The following RARB variants were observed in gnomAD, a reference collection of about 807,000 sequenced individuals.
RARB encodes the protein retinoic acid receptor beta, also known as HBV-activated protein.
RARB carries 17 observed loss-of-function variants against 51.9 expected under a neutral mutation model. The observed-to-expected ratio is 0.33, with a 90% confidence interval of 0.22 to 0.49. The LOEUF is 0.49. Ranked by LOEUF, RARB falls within the 20% of genes least tolerant of loss-of-function variation. The pLI is 0.99. For synonymous variants in RARB, 215 were observed against 195.4 expected (o/e 1.10, Z -0.84); for missense variants, 369 against 550.8 (o/e 0.67, Z 3.30).
chr3:24,993,907 TA>T (rs1451130617), intron 2 of RARB, among the ~76,000 whole-genome samples: 1 of 152,140 alleles, frequency 6.6e-6, no homozygotes, highest in African/African-American at 2.4e-5. Flanking sequence ...ATTAACCTGT[TA>T]TTGGACACTA....
At chr3:25,195,734 G>A (rs1701216917) in intron 5 of RARB, among the ~76,000 whole-genome samples, 1 of 151,960 alleles carries the variant, frequency 6.6e-6, no homozygotes, top group African/African-American at 2.4e-5. Flanking sequence ...AATGAAAAGG[G>A]AAGTTAAGTC....
intron 5 of RARB, among the ~76,000 whole-genome samples, chr3:25,297,944 T>G (rs1703955722): frequency 6.6e-6 from 1 of 152,154 alleles, no homozygotes; most frequent in Non-Finnish European, 1.5e-5. Flanking sequence ...TGTATACATA[T>G]GAGAAACATT....
intron 2 of RARB, among the ~76,000 whole-genome samples, chr3:25,474,823 A>G (rs898629666): frequency 6.6e-6 from 1 of 152,162 alleles, no homozygotes; most frequent in African/African-American, 2.4e-5. Flanking sequence ...TTGCTCTTAA[A>G]TTATCATTTT....
chr3:25,013,339 G>C (rs1332136317), intron 2 of RARB, among the ~76,000 whole-genome samples: 1 of 152,050 alleles, frequency 6.6e-6, no homozygotes, highest in African/African-American at 2.4e-5. Flanking sequence ...AGATGCATTT[G>C]GCCCTATATT....
At chr3:25,373,794 T>C (rs1706376146) in intron 5 of RARB, among the ~76,000 whole-genome samples, 1 of 152,164 alleles carries the variant, frequency 6.6e-6, no homozygotes, top group Non-Finnish European at 1.5e-5. Flanking sequence ...TACCCATCAG[T>C]GACTTGAACT....
chr3:25,162,955 G>A (rs768475489), intron 4 of RARB, among the ~76,000 whole-genome samples: 1 of 152,176 alleles, frequency 6.6e-6, no homozygotes, highest in Non-Finnish European at 1.5e-5. Flanking sequence ...AAATTACTGG[G>A]TTATATGGTA....
chr3:24,972,537 T>C (rs533005913), intron 2 of RARB, among the ~76,000 whole-genome samples: 13 of 152,164 alleles, frequency 8.5e-5, no homozygotes, highest in African/African-American at 2.9e-4. Context: ...GTGGTAGTTA[T>C]ATTTTTAGCT....
At chr3:25,165,128 T>C (rs1436941372) in intron 4 of RARB, among the ~76,000 whole-genome samples, 1 of 151,966 alleles carries the variant, frequency 6.6e-6, no homozygotes, top group Non-Finnish European at 1.5e-5. Flanking sequence ...TACAAACCAG[T>C]TTCAATGGTT....
At chr3:24,858,717 A>G (rs1023428369) in exon 2 of RARB, 2 of 152,176 alleles carry the variant, frequency 1.3e-5, no homozygotes, top group Non-Finnish European at 2.9e-5. Flanking sequence ...AGTCCTGCTC[A>G]TCTGGAGGAC....
intron 4 of RARB, among the ~76,000 whole-genome samples, chr3:25,136,487 C>G (rs1023225736): frequency 1.3e-5 from 2 of 151,870 alleles, no homozygotes; most frequent in African/African-American, 4.8e-5. Flanking sequence ...GTAAAAATAA[C>G]CCATACAGCA....
intron 2 of RARB, among the ~76,000 whole-genome samples, chr3:25,049,492 T>A (rs1698283913): frequency 6.6e-6 from 1 of 152,214 alleles, no homozygotes; most frequent in East Asian, 1.9e-4. Flanking sequence ...GAGGTCCTTG[T>A]CATGAAAAGG....
At chr3:25,160,646 G>A (rs1487732784) in intron 4 of RARB, among the ~76,000 whole-genome samples, 1 of 152,172 alleles carries the variant, frequency 6.6e-6, no homozygotes, top group Admixed American at 6.5e-5. Flanking sequence ...TGATGTATTA[G>A]GTTTTTATTG....
Position 25,043,913 on chromosome 3 carries a change from G to A in RARB, c.-379-16212G>A. ...CTCATTGAGGAAATGTGTGGTTGAT[G>A]CTATTCAGAAGTACCTCTCAATGGT... On this transcript the variant is annotated intron_variant, in intron 2 of 11. Transcript: ENST00000383772. Among the ~76,000 whole-genome samples, 2 of 152,140 alleles carry A rather than the reference G, an allele frequency of 1.3e-5. 1 individual carries two copies. The highest frequency in any genetic ancestry group is 2.9e-5 in the Non-Finnish European group (2 of 68,020).
At chr3:25,137,219 GA>G (rs980221288) in intron 4 of RARB, among the ~76,000 whole-genome samples, 2 of 151,912 alleles carry the variant, frequency 1.3e-5, no homozygotes, top group African/African-American at 2.4e-5. Flanking sequence ...TACATCCAAA[GA>G]AAAAAACTTT....
At chr3:25,016,239 G>A (rs1390873566) in intron 2 of RARB, among the ~76,000 whole-genome samples, 1 of 152,102 alleles carries the variant, frequency 6.6e-6, no homozygotes, top group African/African-American at 2.4e-5. Flanking sequence ...CATGATTGTG[G>A]GATTAAGATA....
intron 2 of RARB, among the ~76,000 whole-genome samples, chr3:24,942,439 A>G (rs938027778): frequency 6.6e-6 from 1 of 152,184 alleles, no homozygotes; most frequent in African/African-American, 2.4e-5. Flanking sequence ...GGATGCACAC[A>G]GACTCGAGTA....
At chr3:25,587,443 G>A (rs1439003834) in intron 5 of RARB, among the ~76,000 whole-genome samples, 1 of 152,024 alleles carries the variant, frequency 6.6e-6, no homozygotes, top group East Asian at 1.9e-4. Flanking sequence ...TTTTTGTATT[G>A]ATTACATGTT....
intron 5 of RARB, among the ~76,000 whole-genome samples, chr3:25,267,407 C>T (rs923748412): frequency 6.6e-6 from 1 of 152,172 alleles, no homozygotes; most frequent in Non-Finnish European, 1.5e-5. Flanking sequence ...CAACCCCCGT[C>T]TTTCACCTCA....
chr3:25,542,067 G>C (rs779602542), intron 3 of RARB, among the ~76,000 whole-genome samples: 17 of 152,256 alleles, frequency 1.1e-4, no homozygotes, highest in Non-Finnish European at 1.6e-4. Context: ...ATTAGGGCTG[G>C]CAAAGAAGAG....
Sources: allele counts gnomAD v4.1 joint callset (sites outside exome capture counted in the v4.1 genomes callset), GRCh38; gene constraint gnomAD v4.1.1; transcripts MANE v1.5; gene names NCBI Gene and HGNC (gene_info 2026-07-23, HGNC 2026-07-21).